The following SORBS2 variants were observed in gnomAD, a reference collection of about 807,000 sequenced individuals.
SORBS2 encodes the protein sorbin and SH3 domain-containing protein 2.
In SORBS2, 46 loss-of-function variants were observed where a neutral mutation model predicts 97.7. The ratio of observed to expected loss-of-function variants is 0.47; its 90% confidence interval spans 0.37 to 0.60. The LOEUF (loss-of-function observed/expected upper bound fraction) is 0.60. Among genes scored for constraint, SORBS2 ranks in the 20% least tolerant of loss-of-function variants. SORBS2 has a pLI of 0.00. For synonymous variants in SORBS2, 476 were observed against 473.4 expected, an observed-to-expected ratio of 1.01 and a Z score of -0.07; for missense variants, 1,316 against 1,282.3, an observed-to-expected ratio of 1.03 and a Z score of -0.40.
chr4:185,601,664 G>T (rs1031451518), intron 12 of SORBS2, among the ~76,000 whole-genome samples: 2 of 152,034 alleles, frequency 1.3e-5, no homozygotes, highest in African/African-American at 2.4e-5. Context: ...ACTAATACAG[G>T]GGTTCAATGC....
At chr4:185,629,766 A>T (rs1341592108) in intron 5 of SORBS2, among the ~76,000 whole-genome samples, 5 of 151,822 alleles carry the variant, frequency 3.3e-5, no homozygotes, top group African/African-American at 1.2e-4. Flanking sequence ...TTTCACCATG[A>T]TGGCCAGGAT....
intron 2 of SORBS2, among the ~76,000 whole-genome samples, chr4:185,766,136 G>A (rs58973669): frequency 0.019 from 2,957 of 152,252 alleles, 100 homozygotes; most frequent in African/African-American, 0.068. Flanking sequence ...AGAATGAGGC[G>A]TGGATCCCTT....
intron 1 of SORBS2, among the ~76,000 whole-genome samples, chr4:185,654,155 G>A (rs935984840): frequency 3.3e-5 from 5 of 152,090 alleles, no homozygotes; most frequent in African/African-American, 1.2e-4. Context: ...CTTCATTCTC[G>A]GCTCTTTCTC....
chr4:185,803,809 T>C (rs1432988818), intron 1 of SORBS2, among the ~76,000 whole-genome samples: 1 of 152,148 alleles, frequency 6.6e-6, no homozygotes, highest in Non-Finnish European at 1.5e-5. Context: ...CTAAATAAAG[T>C]GAGTGTGAAA....
intron 1 of SORBS2, among the ~76,000 whole-genome samples, chr4:185,871,197 T>C (rs1169078633): frequency 1.3e-5 from 2 of 152,228 alleles, no homozygotes; most frequent in Non-Finnish European, 2.9e-5. Flanking sequence ...GTTTTTTTTG[T>C]ACCTTAACAA....
rs751096552 is a variant in SORBS2 at position 185,626,913 on chromosome 4, G to A, written c.553C>T (p.Arg185Ter). ...GTGCTTGATCCTGGGAGGTCCACTC[G>A]GCCTGGGCTAGTCCTGCTCGCACTT... is the stretch of plus-strand genomic sequence containing the variant. The change falls in exon 6 of 15, where the codon CGA (arginine) becomes TGA (stop). Residue 185 changes from arginine (R) to a stop codon, truncating the protein, a stop_gained. Transcript: ENST00000418609. LOFTEE classifies it high-confidence loss of function. 1.9e-6 allele frequency: 3 copies of A among 1,614,080 alleles called. No homozygotes were observed. Among genetic ancestry groups the A allele is most frequent in the Admixed American group, 1.7e-5 (1 of 60,010 alleles).
intron 1 of SORBS2, among the ~76,000 whole-genome samples, chr4:185,827,360 T>C (rs796659428): frequency 0.42 from 2,796 of 6,666 alleles, 969 homozygotes; most frequent in Non-Finnish European, 0.57. Context: ...ATCATCATCA[T>C]CATCATCATC....
At chr4:185,955,315 C>T (rs1327604977) in intron 1 of SORBS2, among the ~76,000 whole-genome samples, 1 of 152,274 alleles carries the variant, frequency 6.6e-6, no homozygotes, top group Non-Finnish European at 1.5e-5. Context: ...GGAAATATTT[C>T]CATATGACTA....
upstream of SORBS2, chr4:185,657,442 G>A (rs140939381): frequency 6.5e-4 from 1,009 of 1,557,984 alleles, 1 homozygote; most frequent in Admixed American, 8.0e-4. Flanking sequence ...TTGCTGTGGG[G>A]ATTCCGGATT....
intron 12 of SORBS2, among the ~76,000 whole-genome samples, chr4:185,600,899 T>C (rs940276919): frequency 8.8e-5 from 13 of 148,522 alleles, no homozygotes; most frequent in Non-Finnish European, 1.5e-4. Flanking sequence ...TGGGCTGGAC[T>C]GTTTTGGTGT....
chr4:185,878,606 C>T (rs548068189), intron 1 of SORBS2, among the ~76,000 whole-genome samples: 91 of 152,304 alleles, frequency 6.0e-4, no homozygotes, highest in Middle Eastern at 3.4e-3. Flanking sequence ...AATGCCAAGC[C>T]TCCACTCAAG....
At chr4:185,755,418 A>G (rs1289695461) in intron 2 of SORBS2, among the ~76,000 whole-genome samples, 1 of 152,228 alleles carries the variant, frequency 6.6e-6, no homozygotes, top group Non-Finnish European at 1.5e-5. Context: ...GCTCCTTTAA[A>G]CTATTTGGAG....
chr4:185,624,054 T>C lies in SORBS2; in HGVS notation c.1075A>G (p.Lys359Glu). ...TCCTTGCGGTTGATGCGGTGCATTT[T>C]CTTGTACATCTTCAGGAACCCCGGG... Residue 359 changes from lysine to glutamate, a missense_variant, in exon 7 of 15, where the codon AAA (lysine) becomes GAA (glutamate). Physicochemically the swap from Lys to Glu is moderately conservative, Grantham distance 56 (BLOSUM62 1). Coordinates refer to ENST00000418609, the Ensembl canonical transcript of SORBS2. The C allele has an allele frequency of 1.9e-6, 3 of 1,614,168 alleles. No homozygotes were observed. Among genetic ancestry groups the C allele is most frequent in the South Asian group, 1.1e-5 (1 of 91,080 alleles).
exon 15 of SORBS2, chr4:185,586,640 C>G (rs2095803949): frequency 6.6e-6 from 1 of 152,614 alleles, no homozygotes; most frequent in Non-Finnish European, 1.5e-5. Context: ...ATTATATGTT[C>G]TCATACAATC....
At chr4:185,928,255 T>A (rs535858803) in intron 1 of SORBS2, among the ~76,000 whole-genome samples, 21 of 151,922 alleles carry the variant, frequency 1.4e-4, no homozygotes, top group Non-Finnish European at 2.4e-4. Flanking sequence ...AAAATAAAAA[T>A]TATTTGGGAG....
At chr4:185,904,902 C>T (rs1041357540) in intron 1 of SORBS2, among the ~76,000 whole-genome samples, 30 of 152,032 alleles carry the variant, frequency 2.0e-4, no homozygotes, top group South Asian at 1.0e-3. Flanking sequence ...GTCGGGGGTT[C>T]GAGACCAGCC....
At chr4:185,628,934 G>A (rs1334134969) in intron 5 of SORBS2, among the ~76,000 whole-genome samples, 1 of 152,236 alleles carries the variant, frequency 6.6e-6, no homozygotes, top group Non-Finnish European at 1.5e-5. Context: ...ATATGGCACA[G>A]CACACTGTGC....
chr4:185,796,201 C>T (rs2153652789), intron 1 of SORBS2, among the ~76,000 whole-genome samples: 1 of 152,332 alleles, frequency 6.6e-6, no homozygotes, highest in Non-Finnish European at 1.5e-5. Flanking sequence ...GCCACCCCAC[C>T]TGGCCCTATG....
chr4:185,667,063 C>T (rs2097617373), intron 4 of SORBS2, among the ~76,000 whole-genome samples: 1 of 152,210 alleles, frequency 6.6e-6, no homozygotes, highest in Non-Finnish European at 1.5e-5. Context: ...CGTTTGACCA[C>T]ACGTGACAAA....
Sources: gnomAD v4.1 joint callset for allele counts (sites outside exome capture counted in the v4.1 genomes callset) on GRCh38, gnomAD v4.1.1 for gene constraint, MANE v1.5 for transcripts, NCBI Gene and HGNC (gene_info 2026-07-23, HGNC 2026-07-21) for gene names.